TP73: variants seen among roughly 807,000 people sequenced by gnomAD.
The protein encoded by TP73 is p53-like transcription factor.
Under a neutral mutation model 62.5 loss-of-function variants are expected in TP73, and 25 were observed. The observed-to-expected ratio is 0.40, with a 90% confidence interval of 0.29 to 0.56. The LOEUF is 0.56. Ranked by LOEUF, TP73 falls within the 20% of genes least tolerant of loss-of-function variation. The probability of loss-of-function intolerance (pLI) is 0.46; values close to 1 mark genes in which losing one functional copy is unlikely to be tolerated. For synonymous variants in TP73, 423 were observed against 377.5 expected (o/e 1.12, Z -1.40); for missense variants, 754 against 913.3 (o/e 0.83, Z 2.25).
intron 3 of TP73, among the ~76,000 whole-genome samples, chr1:3,693,505 C>T (rs962960822): frequency 2.0e-5 from 3 of 152,176 alleles, no homozygotes; most frequent in African/African-American, 7.2e-5. Flanking sequence ...GTCTCTCTGG[C>T]ATCTGCCAGC....
intron 6 of TP73, among the ~76,000 whole-genome samples, chr1:3,726,105 GTGGA>G (rs148748031): frequency 0.63 from 44,077 of 69,902 alleles, 15,714 homozygotes; most frequent in Non-Finnish European, 0.74. Context: ...GGGTGGGTGG[GTGGA>G]TGGATGGATG....
At chr1:3,723,214 C>T in intron 5 of TP73, 140 bp from the exon 6 acceptor site, 1 of 668,860 alleles carries the variant, frequency 1.5e-6, no homozygotes, top group Middle Eastern at 2.5e-4. Context: ...TTGAACCTGG[C>T]ACGGGGCTGG....
At chr1:3,675,619 C>T (rs1483594628) in intron 1 of TP73, among the ~76,000 whole-genome samples, 1 of 152,088 alleles carries the variant, frequency 6.6e-6, no homozygotes, top group East Asian at 1.9e-4. Flanking sequence ...AGGCTGAGTG[C>T]GGACGGCTCG....
chr1:3,693,119 A>C (rs1185952381), intron 3 of TP73, among the ~76,000 whole-genome samples: 1 of 145,294 alleles, frequency 6.9e-6, no homozygotes, highest in South Asian at 2.2e-4. Context: ...TGTCTCCAGC[A>C]CCTCTTCCCT....
chr1:3,715,133 T>A (rs896011648), intron 4 of TP73, among the ~76,000 whole-genome samples: 1 of 152,086 alleles, frequency 6.6e-6, no homozygotes, highest in Non-Finnish European at 1.5e-5. Flanking sequence ...TGAGTCTCAG[T>A]CTCTATTGTC....
chr1:3,693,534 C>T (rs112546111), intron 3 of TP73, among the ~76,000 whole-genome samples: 10 of 152,146 alleles, frequency 6.6e-5, no homozygotes, highest in Admixed American at 1.3e-4. Flanking sequence ...TGGTCAGTGA[C>T]GCCGCTCTCT....
intron 1 of TP73, among the ~76,000 whole-genome samples, chr1:3,680,505 A>G (rs969083905): frequency 4.6e-5 from 7 of 152,074 alleles, no homozygotes; most frequent in African/African-American, 1.4e-4. Context: ...TCTTGGATCT[A>G]AGGGAATTTC....
chr1:3,685,265 C>T (rs1570438666), intron 3 of TP73, among the ~76,000 whole-genome samples: 1 of 152,156 alleles, frequency 6.6e-6, no homozygotes. Flanking sequence ...CTCCCCAGCC[C>T]CGGAGGGTTC....
chr1:3,703,985 G>A (rs1257109165), intron 3 of TP73, among the ~76,000 whole-genome samples: 2 of 152,192 alleles, frequency 1.3e-5, no homozygotes, highest in African/African-American at 2.4e-5. Flanking sequence ...GGGTGGGCAG[G>A]CTGGCACCCG....
chr1:3,706,232 G>C (rs2124381521), intron 3 of TP73, among the ~76,000 whole-genome samples: 1 of 152,322 alleles, frequency 6.6e-6, no homozygotes, highest in South Asian at 2.1e-4. Context: ...CCGTCTGCTG[G>C]GGCCGCTAGA....
At position 3,731,013 on chromosome 1, in the gene TP73, G is replaced by GGGTCCCAC; in HGVS notation, c.1433_1440dup (p.Cys481GlyfsTer20). On this transcript the variant is annotated frameshift_variant, in exon 12 of 14. Transcript: ENST00000378295. LOFTEE classifies it high-confidence loss of function. ...CCACAGCGCCCAGTCCATGGTCTCG[G>GGGTCCCAC]GGTCCCACTGCACTCCGCCACCCCC... 1 of 1,612,512 alleles carries GGGTCCCAC rather than the reference G, an allele frequency of 6.2e-7. No homozygotes were observed. The highest frequency in any genetic ancestry group is 8.5e-7 in the Non-Finnish European group (1 of 1,179,848).
At chr1:3,683,702 C>T (rs1445992826) in intron 3 of TP73, among the ~76,000 whole-genome samples, 1 of 152,204 alleles carries the variant, frequency 6.6e-6, no homozygotes, top group East Asian at 1.9e-4. Flanking sequence ...AGAGGAGATC[C>T]CTCTTTTCCC....
At position 3,655,540 on chromosome 1, in the gene TP73, A is replaced by C. The variant is rs561369194; in HGVS notation, c.-34+2899A>C. Among the ~76,000 whole-genome samples the C allele has an allele frequency of 5.9e-5, 9 of 152,368 alleles. No homozygotes were observed. The South Asian group carries it at 8.3e-4, about 14-fold the overall frequency. On this transcript the variant is annotated intron_variant, in intron 1 of 13. Coordinates refer to ENST00000378295, the MANE Select transcript of TP73 (RefSeq NM_005427.4). ...CGTGATTTTGCTTTAAAAGCAAAAA[A>C]GAAAAAAGCTGAGATGAGTTACTAA...
intron 6 of TP73, among the ~76,000 whole-genome samples, chr1:3,726,742 G>C (rs1236490795): frequency 2.0e-5 from 3 of 148,700 alleles, no homozygotes; most frequent in Admixed American, 1.3e-4. Flanking sequence ...GGATGGGGTT[G>C]GTGGATGGAT....
intron 3 of TP73, among the ~76,000 whole-genome samples, chr1:3,693,083 G>C (rs1205297864): frequency 6.7e-6 from 1 of 149,884 alleles, no homozygotes; most frequent in Admixed American, 6.6e-5. Context: ...CCAGGAGCAG[G>C]TGGAGGCAGT....
intron 3 of TP73, chr1:3,690,763 C>A: frequency 6.8e-7 from 1 of 1,477,552 alleles, no homozygotes; most frequent in Middle Eastern, 2.4e-4. Flanking sequence ...CGGCTCCTGC[C>A]TCACTAGCTG....
chr1:3,711,434 G>A (rs1640131884), intron 4 of TP73, among the ~76,000 whole-genome samples: 1 of 152,264 alleles, frequency 6.6e-6, no homozygotes, highest in Admixed American at 6.5e-5. Context: ...GGCCCTCGGG[G>A]CAGAGAATGA....
At chr1:3,729,242 A>C (rs956824567) in intron 9 of TP73, 85 bp from the exon 10 acceptor site, 2 of 1,574,210 alleles carry the variant, frequency 1.3e-6, no homozygotes, top group Non-Finnish European at 8.6e-7. Context: ...TGCTTTGCCA[A>C]GCCCAGGTCC....
intron 5 of TP73, among the ~76,000 whole-genome samples, chr1:3,723,099 C>G (rs899690198): frequency 6.8e-6 from 1 of 147,830 alleles, no homozygotes; most frequent in Non-Finnish European, 1.5e-5. Flanking sequence ...ACCTCTGCAC[C>G]TAACAGGGGT....
Sources: allele counts gnomAD v4.1 joint callset (sites outside exome capture counted in the v4.1 genomes callset), GRCh38; gene constraint gnomAD v4.1.1; transcripts MANE v1.5; gene names NCBI Gene and HGNC (gene_info 2026-07-23, HGNC 2026-07-21).